TCOF1: variants seen among roughly 807,000 people sequenced by gnomAD.
The protein encoded by TCOF1 is treacle ribosome biogenesis factor 1.
TCOF1 carries 33 observed loss-of-function variants against 149.0 expected under a neutral mutation model. That is an observed-to-expected ratio of 0.22 (90% confidence interval 0.17 to 0.30). The LOEUF is 0.30. Among genes scored for constraint, TCOF1 ranks in the 10% least tolerant of loss-of-function variants. TCOF1 has a pLI of 1.00. For missense variants in TCOF1, 1,728 were observed against 1,840.7 expected (o/e 0.94, Z 1.12); for synonymous variants, 789 against 738.8 (o/e 1.07, Z -1.10).
chr5:150,380,114 T>C (rs1414586687), intron 17 of TCOF1: 2 of 254,340 alleles, frequency 7.9e-6, no homozygotes, highest in East Asian at 2.0e-4. Context: ...AAAACCAGGG[T>C]TTAGGGCCAG....
intron 18 of TCOF1, among the ~76,000 whole-genome samples, chr5:150,388,340 G>A (rs954792232): frequency 5.3e-5 from 8 of 152,212 alleles, no homozygotes; most frequent in Non-Finnish European, 1.0e-4. Context: ...GCTAGAAGCT[G>A]CAGGGACCAG....
intron 2 of TCOF1, among the ~76,000 whole-genome samples, chr5:150,362,584 G>A (rs1760380937): frequency 6.6e-6 from 1 of 152,180 alleles, no homozygotes; most frequent in Non-Finnish European, 1.5e-5. Flanking sequence ...ATCTAAAAAT[G>A]AGGTGGGCTA....
chr5:150,398,843 G>C (rs1769157887), intron 25 of TCOF1, among the ~76,000 whole-genome samples, 179 bp from the exon 26 acceptor site: 1 of 152,232 alleles, frequency 6.6e-6, no homozygotes, highest in Non-Finnish European at 1.5e-5. Flanking sequence ...TTCTCACCTT[G>C]GCCAGCAGGG....
intron 18 of TCOF1, among the ~76,000 whole-genome samples, chr5:150,388,961 C>T (rs1413985789): frequency 1.3e-5 from 2 of 151,870 alleles, no homozygotes; most frequent in Admixed American, 6.6e-5. Flanking sequence ...GAGATTACTG[C>T]TGGGCATGGT....
chr5:150,366,225 C>G (rs1761320405), intron 3 of TCOF1, among the ~76,000 whole-genome samples: 1 of 151,916 alleles, frequency 6.6e-6, no homozygotes, highest in Non-Finnish European at 1.5e-5. Context: ...GTGGCATGCA[C>G]TGGTGGTCCC....
chr5:150,372,770 G>A (rs2150646913), intron 7 of TCOF1, among the ~76,000 whole-genome samples: 1 of 152,328 alleles, frequency 6.6e-6, no homozygotes, highest in African/African-American at 2.4e-5. Flanking sequence ...CAGATCCCCT[G>A]CGTTAGCTGC....
intron 17 of TCOF1, among the ~76,000 whole-genome samples, 199 bp from the exon 18 acceptor site, chr5:150,387,703 G>A (rs942123676): frequency 2.6e-5 from 4 of 152,182 alleles, no homozygotes; most frequent in Admixed American, 2.6e-4. Context: ...GGCTCTGGGA[G>A]TTGTGAAGTG....
At position 150,391,731 on chromosome 5, in the gene TCOF1, C is replaced by G. The variant is rs539646861; in HGVS notation, c.3297+74C>G. On this transcript the variant is annotated intron_variant, in intron 20 of 26. Transcript: ENST00000643257. Reference sequence around the variant, plus strand: ...CAGGCGTGGCCCTGCATCGCGGCACCAGCACTCATCTGCCCCATGACCTCT... The same window carrying G: ...CAGGCGTGGCCCTGCATCGCGGCACGAGCACTCATCTGCCCCATGACCTCT... 3 of 1,393,772 alleles carry G rather than the reference C, an allele frequency of 2.2e-6. No homozygotes were observed. The Admixed American group carries it at 5.8e-5, about 27-fold the overall frequency. The allele number at this position is 1,393,772 out of a possible 1,614,324, so 86.3% of individuals were successfully genotyped here.
intron 2 of TCOF1, 71 bp from the exon 3 acceptor site, chr5:150,364,042 G>A: frequency 6.2e-7 from 1 of 1,610,000 alleles, no homozygotes; most frequent in Non-Finnish European, 8.5e-7. Context: ...ATGCGGGAAG[G>A]TCTGTCTAGT....
chr5:150,389,875 G>A lies in TCOF1; in HGVS notation c.3047-12G>A, dbSNP rs371355622. 2 of 1,614,134 alleles carry A rather than the reference G, an allele frequency of 1.2e-6. No individual in the cohort carries two copies. Among genetic ancestry groups the A allele is most frequent in the Non-Finnish European group, 8.5e-7 (1 of 1,180,012 alleles). On this transcript the variant is annotated splice_polypyrimidine_tract_variant and intron_variant, in intron 18 of 26. Transcript: ENST00000643257. ...TTGTGCCCTGATGTGCCCCCATCTC[G>A]CTCCATTTCAGGCATCAGAACCAAT...
At chr5:150,367,998 A>G in intron 4 of TCOF1, 81 bp downstream of exon 4, 2 of 1,523,014 alleles carry the variant, frequency 1.3e-6, no homozygotes, top group Non-Finnish European at 1.8e-6. Flanking sequence ...TCAGAGAAGG[A>G]TAGGGTTGTG....
intron 17 of TCOF1, among the ~76,000 whole-genome samples, chr5:150,386,588 CA>C (rs1554077518): frequency 6.6e-6 from 1 of 151,648 alleles, no homozygotes; most frequent in South Asian, 2.1e-4. Context: ...AAGTCAGGCT[CA>C]GGGGGTAAAC....
intron 24 of TCOF1, among the ~76,000 whole-genome samples, chr5:150,397,666 C>A (rs1156489827): frequency 6.6e-6 from 1 of 152,186 alleles, no homozygotes; most frequent in East Asian, 1.9e-4. Context: ...AGAGCCAGCT[C>A]GTTCTGGAAC....
At chr5:150,393,869 G>C (rs577046725) in intron 23 of TCOF1, 2 of 384,426 alleles carry the variant, frequency 5.2e-6, no homozygotes, top group Admixed American at 7.4e-5. Context: ...TTAATTAGCC[G>C]GTGTGATGGT....
intron 3 of TCOF1, among the ~76,000 whole-genome samples, chr5:150,367,343 A>G (rs2150527948): frequency 6.6e-6 from 1 of 152,266 alleles, no homozygotes; most frequent in South Asian, 2.1e-4. Flanking sequence ...GAATATCGAT[A>G]TCTAACGGGG....
At chr5:150,384,945 AGGGAT>A in intron 17 of TCOF1, 1 of 985,430 alleles carries the variant, frequency 1.0e-6, no homozygotes, top group Non-Finnish European at 1.2e-6. Context: ...GCTGGGAGGC[AGGGAT>A]AGATACCTTG....
At chr5:150,388,230 T>G in intron 18 of TCOF1, 142 bp downstream of exon 18, 7 of 1,122,278 alleles carry the variant, frequency 6.2e-6, no homozygotes, top group Non-Finnish European at 8.9e-6. Context: ...GGGCCCTGCA[T>G]TAGCCATTCT....
chr5:150,378,587 T>A (rs763956647), intron 14 of TCOF1: 3 of 372,968 alleles, frequency 8.0e-6, no homozygotes, highest in Non-Finnish European at 1.5e-5. Context: ...CTGTTTTAGG[T>A]AGTCTTGTGC....
At chr5:150,383,142 G>A in intron 17 of TCOF1, 2 of 1,536,044 alleles carry the variant, frequency 1.3e-6, no homozygotes, top group Admixed American at 3.9e-5. Flanking sequence ...GGTCCTCGGA[G>A]AGCAGTGAGG....
Sources: gnomAD v4.1 joint callset for allele counts (sites outside exome capture counted in the v4.1 genomes callset) on GRCh38, gnomAD v4.1.1 for gene constraint, MANE v1.5 for transcripts, NCBI Gene and HGNC (gene_info 2026-07-23, HGNC 2026-07-21) for gene names.